Variants in SORCS1 observed in about 807,000 individuals in gnomAD.
SORCS1 encodes sortilin related VPS10 domain containing receptor 1.
A neutral mutation model predicts 146.1 loss-of-function variants in SORCS1; 60 were observed. The observed-to-expected ratio is 0.41, with a 90% CI of 0.33 to 0.51. SORCS1 has a LOEUF of 0.51. SORCS1 is among the 20% of genes least tolerant of loss of function. The pLI, the probability that SORCS1 is intolerant of heterozygous loss-of-function variation, is 0.21. For synonymous variants in SORCS1, 637 were observed against 584.0 expected, an observed-to-expected ratio of 1.09 and a Z score of -1.31; for missense variants, 1,352 against 1,487.6, an observed-to-expected ratio of 0.91 and a Z score of 1.50.
chr10:106,961,404 CT>C (rs1955216002), intron 1 of SORCS1, among the ~76,000 whole-genome samples: 1 of 152,216 alleles, frequency 6.6e-6, no homozygotes, highest in Non-Finnish European at 1.5e-5. Flanking sequence ...CATACAGCAA[CT>C]TTTGAAAACT....
intron 1 of SORCS1, among the ~76,000 whole-genome samples, chr10:106,998,770 T>C (rs1313842999): frequency 6.6e-6 from 1 of 152,224 alleles, no homozygotes; most frequent in African/African-American, 2.4e-5. Flanking sequence ...CTGGTGGTTA[T>C]ATCTCCTCTA....
intron 5 of SORCS1, among the ~76,000 whole-genome samples, chr10:106,755,668 G>T (rs988624318): frequency 9.9e-5 from 15 of 151,866 alleles, no homozygotes; most frequent in African/African-American, 3.1e-4. Flanking sequence ...GTTTGATTAG[G>T]TCTCAACCCC....
chr10:106,682,981 T>C (rs1042429962), intron 10 of SORCS1, among the ~76,000 whole-genome samples: 3 of 152,168 alleles, frequency 2.0e-5, no homozygotes, highest in African/African-American at 7.2e-5. Context: ...TATCATCAAT[T>C]GGTAAATTCT....
chr10:106,633,285 A>G lies in SORCS1; in HGVS notation c.2476-3897T>C, dbSNP rs1848542475. 3.3e-5 allele frequency among the ~76,000 whole-genome samples: 5 copies of G among 152,304 alleles called. No individual in the cohort carries two copies. The South Asian group carries it at 1.0e-3, about 32-fold the overall frequency. On this transcript the variant is annotated intron_variant, in intron 18 of 25. Coordinates refer to ENST00000263054, the MANE Select transcript of SORCS1 (RefSeq NM_052918.5). Reference sequence around the variant, plus strand: ...AATCAGGGTAACTGTGATATCTATAACCTTGAATCTTTTTTATTTCTTTGT... The same window carrying G: ...AATCAGGGTAACTGTGATATCTATAGCCTTGAATCTTTTTTATTTCTTTGT...
chr10:106,620,252 G>C (rs1847649047), intron 20 of SORCS1, 176 bp downstream of exon 20: 2 of 506,980 alleles, frequency 3.9e-6, no homozygotes, highest in South Asian at 9.4e-5. Flanking sequence ...AGGGGCCAGA[G>C]AGAGAGAGAG....
intron 1 of SORCS1, among the ~76,000 whole-genome samples, chr10:107,094,591 C>T (rs1008661447): frequency 1.3e-5 from 2 of 152,108 alleles, no homozygotes; most frequent in African/African-American, 4.8e-5. Context: ...GATCATACAA[C>T]AGATTTAGAG....
chr10:106,672,576 A>C (rs1004720659), intron 15 of SORCS1, among the ~76,000 whole-genome samples: 1 of 152,170 alleles, frequency 6.6e-6, no homozygotes, highest in African/African-American at 2.4e-5. Context: ...TCTCAGATGA[A>C]ATATGTTTGG....
intron 1 of SORCS1, among the ~76,000 whole-genome samples, chr10:107,117,564 G>C (rs563676025): frequency 6.6e-6 from 1 of 152,286 alleles, no homozygotes; most frequent in South Asian, 2.1e-4. Context: ...TTCTTCCCTA[G>C]TGGGCCTAGA....
At chr10:107,021,754 T>C (rs888762335) in intron 1 of SORCS1, among the ~76,000 whole-genome samples, 21 of 152,230 alleles carry the variant, frequency 1.4e-4, no homozygotes, top group African/African-American at 4.6e-4. Context: ...TATCTTTCAA[T>C]GAAATTTCAA....
At chr10:107,115,594 A>G (rs568418284) in intron 1 of SORCS1, among the ~76,000 whole-genome samples, 1 of 152,254 alleles carries the variant, frequency 6.6e-6, no homozygotes, top group African/African-American at 2.4e-5. Flanking sequence ...TATAAAAATT[A>G]ACTCAAAATG....
At chr10:106,752,072 C>A (rs1281825580) in intron 5 of SORCS1, among the ~76,000 whole-genome samples, 1 of 152,086 alleles carries the variant, frequency 6.6e-6, no homozygotes, top group Non-Finnish European at 1.5e-5. Flanking sequence ...GAAGCTTGGG[C>A]AGGTGAAATT....
chr10:106,590,223 A>G lies in SORCS1; in HGVS notation c.3265+7128T>C, dbSNP rs1406049510. On this transcript the variant is annotated intron_variant, in intron 24 of 25. Transcript: ENST00000263054. ...TTTGCTCTTTTTTTGGTGAATTCCTATTCAACCTTAAAGACTCAGCTTTAC... is the reference window on the plus strand; with the variant it reads ...TTTGCTCTTTTTTTGGTGAATTCCTGTTCAACCTTAAAGACTCAGCTTTAC... 2.0e-5 allele frequency among the ~76,000 whole-genome samples: 3 copies of G among 152,076 alleles called. No homozygotes were observed. The South Asian group carries it at 6.2e-4, about 31-fold the overall frequency.
chr10:107,118,341 T>C (rs77772691), intron 1 of SORCS1, among the ~76,000 whole-genome samples: 90 of 152,334 alleles, frequency 5.9e-4, no homozygotes, highest in African/African-American at 1.9e-3. Flanking sequence ...CCACCCAGGT[T>C]ATGTTATTGT....
intron 1 of SORCS1, among the ~76,000 whole-genome samples, chr10:107,052,023 A>C (rs1767924993): frequency 6.6e-6 from 1 of 152,158 alleles, no homozygotes; most frequent in Non-Finnish European, 1.5e-5. Context: ...TTTACAGTCT[A>C]GCCTCAGCCT....
At chr10:106,951,530 AC>A (rs1954685314) in intron 2 of SORCS1, among the ~76,000 whole-genome samples, 1 of 151,006 alleles carries the variant, frequency 6.6e-6, no homozygotes, top group African/African-American at 2.4e-5. Context: ...AAAAAAAAAA[AC>A]GGAACACCTG....
chr10:107,177,012 C>T, the SORCS1 span, among the ~76,000 whole-genome samples: 7 of 152,014 alleles, frequency 4.6e-5, no homozygotes, highest in African/African-American at 1.7e-4. Context: ...TTGTTATTGA[C>T]TTTCTGAAGA....
At chr10:106,857,093 G>A (rs1468434171) in intron 2 of SORCS1, among the ~76,000 whole-genome samples, 1 of 152,094 alleles carries the variant, frequency 6.6e-6, no homozygotes, top group African/African-American at 2.4e-5. Context: ...TACTCTAAGT[G>A]CCCTGAAAGC....
At chr10:106,977,055 A>G (rs1956056372) in intron 1 of SORCS1, among the ~76,000 whole-genome samples, 2 of 152,200 alleles carry the variant, frequency 1.3e-5, no homozygotes, top group South Asian at 4.1e-4. Context: ...GTATATACCC[A>G]GTAACAAGAT....
intron 3 of SORCS1, among the ~76,000 whole-genome samples, chr10:106,808,518 T>A (rs553961946): frequency 1.3e-5 from 2 of 152,160 alleles, no homozygotes; most frequent in South Asian, 2.1e-4. Flanking sequence ...TATTTATTTA[T>A]GTGAGGCGGA....
Sources: allele counts gnomAD v4.1 joint callset (sites outside exome capture counted in the v4.1 genomes callset), GRCh38; gene constraint gnomAD v4.1.1; transcripts MANE v1.5; gene names NCBI Gene and HGNC (gene_info 2026-07-23, HGNC 2026-07-21).